Variants in RAB31 observed in about 807,000 individuals in gnomAD.
The protein encoded by RAB31 is RAB31, member RAS oncogene family.
Under a neutral mutation model 25.6 loss-of-function variants are expected in RAB31, and 21 were observed. The observed-to-expected ratio is 0.82, with a 90% CI of 0.58 to 1.18. RAB31 has a LOEUF of 1.18. Ranked by LOEUF, RAB31 falls within the 50% of genes most tolerant of loss-of-function variation. RAB31 has a pLI of 0.00. For missense variants in RAB31, 196 were observed against 250.1 expected (o/e 0.78, Z 1.46); for synonymous variants, 87 against 84.0 (o/e 1.04, Z -0.20).
At chr18:9,852,604 T>TC (rs1491466404) in intron 6 of RAB31, among the ~76,000 whole-genome samples, 1 of 152,116 alleles carries the variant, frequency 6.6e-6, no homozygotes, top group Non-Finnish European at 1.5e-5. Flanking sequence ...TTTTTTTTTT[T>TC]CCTGAATAGT....
chr18:9,774,890 C>G (rs773730009), intron 1 of RAB31: 1 of 520,164 alleles, frequency 1.9e-6, no homozygotes, highest in Non-Finnish European at 3.8e-6. Flanking sequence ...CTTTTGAATG[C>G]AAGGTTTTGA....
chr18:9,845,172 A>G (rs2068754722), intron 5 of RAB31, among the ~76,000 whole-genome samples: 1 of 152,228 alleles, frequency 6.6e-6, no homozygotes, highest in African/African-American at 2.4e-5. Context: ...GAAAGATAAT[A>G]TGTAAAAAGT....
chr18:9,717,531 A>AT (rs11287760), intron 1 of RAB31, among the ~76,000 whole-genome samples: 19 of 151,152 alleles, frequency 1.3e-4, no homozygotes, highest in South Asian at 2.1e-4. Context: ...CTATCAATGT[A>AT]TTTTTTTTTG....
At chr18:9,831,021 C>A (rs1308026305) in intron 5 of RAB31, among the ~76,000 whole-genome samples, 1 of 152,232 alleles carries the variant, frequency 6.6e-6, no homozygotes, top group African/African-American at 2.4e-5. Context: ...TGGGCCGTCT[C>A]TTCTGTTCCA....
chr18:9,722,063 T>A (rs1346200521), intron 1 of RAB31, among the ~76,000 whole-genome samples: 1 of 151,662 alleles, frequency 6.6e-6, no homozygotes, highest in Non-Finnish European at 1.5e-5. Flanking sequence ...GCAGTGTGAC[T>A]GGGGCAGGAA....
At chr18:9,730,409 C>A (rs1262259139) in intron 1 of RAB31, among the ~76,000 whole-genome samples, 1 of 151,988 alleles carries the variant, frequency 6.6e-6, no homozygotes, top group Non-Finnish European at 1.5e-5. Flanking sequence ...GTCTCAGCCT[C>A]CCAAATAGCT....
In RAB31 at chr18:9,739,561, TAAAC is replaced by T. The variant is rs561645259; in HGVS notation, c.39+31122_39+31125del. Among the ~76,000 whole-genome samples the T allele has an allele frequency of 4.9e-4, 70 of 144,094 alleles. 1 individual carries two copies. Among genetic ancestry groups the T allele is most frequent in the Non-Finnish European group, 9.0e-4 (59 of 65,400 alleles). 94.5% of individuals were successfully genotyped at this position (144,094 alleles called of 152,430 possible). A position where few individuals can be genotyped will look rare whatever the true frequency, so the allele number is the denominator to read the frequency against. The stretch of plus-strand genomic sequence containing the variant: ...TAATGTGCTAAAAAAAAAAAAAAAG[TAAAC>T]AAACTATCTGGATGATTCTTAGCCT... On this transcript the variant is annotated intron_variant, in intron 1 of 6. Coordinates refer to ENST00000578921, the MANE Select transcript of RAB31 (RefSeq NM_006868.4).
intron 6 of RAB31, among the ~76,000 whole-genome samples, chr18:9,854,713 G>A (rs2068807102): frequency 6.6e-6 from 1 of 152,178 alleles, no homozygotes; most frequent in Non-Finnish European, 1.5e-5. Flanking sequence ...ATAACTTCAA[G>A]TAGCATGTGT....
intron 6 of RAB31, among the ~76,000 whole-genome samples, chr18:9,852,053 C>T (rs563070522): frequency 1.3e-5 from 2 of 151,920 alleles, no homozygotes; most frequent in Admixed American, 6.6e-5. Flanking sequence ...GTGGTTGTTT[C>T]ATGATGGTCA....
At chr18:9,758,861 G>A (rs1440626440) in intron 1 of RAB31, among the ~76,000 whole-genome samples, 8 of 152,048 alleles carry the variant, frequency 5.3e-5, no homozygotes, top group African/African-American at 1.9e-4. Flanking sequence ...CACCGCTGCC[G>A]AGGCCTTTGC....
In RAB31 at chr18:9,811,418, A is replaced by G. The variant is rs1427172170; in HGVS notation, c.202-2602A>G. Among the ~76,000 whole-genome samples, 3 of 152,194 alleles carry G rather than the reference A, an allele frequency of 2.0e-5. No individual in the cohort carries two copies. In the East Asian group the frequency reaches 5.8e-4, roughly 29 times the overall value. On this transcript the variant is annotated intron_variant, in intron 3 of 6. Coordinates refer to ENST00000578921, the MANE Select transcript of RAB31 (RefSeq NM_006868.4). The stretch of plus-strand genomic sequence containing the variant: ...GGGACTCAGATTTCCAAATACCATC[A>G]TTTCAGTTTGGCAAGTATTGATCCA...
rs1056264514 is a variant in RAB31, at chr18:9,862,068, A to G, written c.*2743A>G. The G allele has an allele frequency of 2.6e-5, 4 of 152,686 alleles. No homozygotes were observed. Among genetic ancestry groups the G allele is most frequent in the African/African-American group, 9.6e-5 (4 of 41,466 alleles). The allele number at this position is 152,686 out of a possible 1,614,324, so 9.5% of individuals were successfully genotyped here. A position where few individuals can be genotyped will look rare whatever the true frequency, so the allele number is the denominator to read the frequency against. On this transcript the variant is annotated 3_prime_UTR_variant, in exon 7 of 7. Transcript: ENST00000578921. ...AGCTAACAATAAGGGCTGTGCCCCA[A>G]TGGAAACTGAGTTCATTTTCTGAGA...
At chr18:9,744,789 A>C (rs1457398399) in intron 1 of RAB31, among the ~76,000 whole-genome samples, 2 of 152,242 alleles carry the variant, frequency 1.3e-5, no homozygotes, top group Non-Finnish European at 2.9e-5. Context: ...AATGAAGACA[A>C]AAGCACAACA....
At position 9,708,792 on chromosome 18, in the gene RAB31, G is replaced by A. The variant is rs1439968983; in HGVS notation, c.39+348G>A. ...CTTTCCTCCCGGCCCGCGAGTCCCC[G>A]GATCCGCGGCGACCTCGCGGGGACC... is the stretch of plus-strand genomic sequence containing the variant. On this transcript the variant is annotated intron_variant, in intron 1 of 6. Coordinates refer to ENST00000578921, the MANE Select transcript of RAB31 (RefSeq NM_006868.4). The surrounding 1 kb of genome is among the most constrained non-coding windows in gnomAD (Gnocchi z 6.4). Among the ~76,000 whole-genome samples the A allele has an allele frequency of 6.6e-6, 1 of 152,150 alleles. No individual in the cohort carries two copies. Among genetic ancestry groups the A allele is most frequent in the Non-Finnish European group, 1.5e-5 (1 of 68,020 alleles).
intron 5 of RAB31, among the ~76,000 whole-genome samples, chr18:9,838,264 A>T (rs940624238): frequency 6.6e-6 from 1 of 152,140 alleles, no homozygotes; most frequent in Non-Finnish European, 1.5e-5. Flanking sequence ...TGAGCAGTGC[A>T]CTTGGGCTGC....
intron 1 of RAB31, among the ~76,000 whole-genome samples, chr18:9,744,219 T>C (rs1568167664): frequency 6.6e-6 from 1 of 152,128 alleles, no homozygotes; most frequent in Non-Finnish European, 1.5e-5. Context: ...AGGTATCTGA[T>C]TGTAGCCTTT....
At chr18:9,757,177 G>A (rs1260482022) in intron 1 of RAB31, among the ~76,000 whole-genome samples, 4 of 152,196 alleles carry the variant, frequency 2.6e-5, no homozygotes, top group Non-Finnish European at 2.9e-5. Flanking sequence ...GGCTGGGGAA[G>A]GGGATGCCTG....
chr18:9,757,006 C>T (rs1284455569), intron 1 of RAB31, among the ~76,000 whole-genome samples: 2 of 152,164 alleles, frequency 1.3e-5, no homozygotes, highest in African/African-American at 2.4e-5. Flanking sequence ...CCAGAGTTTA[C>T]GTCTTAGCCT....
At chr18:9,833,769 C>G (rs1568191591) in intron 5 of RAB31, among the ~76,000 whole-genome samples, 1 of 152,188 alleles carries the variant, frequency 6.6e-6, no homozygotes, top group Non-Finnish European at 1.5e-5. Flanking sequence ...TAAGCCATAT[C>G]TGATCTATGA....
Sources: allele counts gnomAD v4.1 joint callset (sites outside exome capture counted in the v4.1 genomes callset), GRCh38; gene constraint gnomAD v4.1.1; non-coding constraint Gnocchi (gnomAD v3.1); transcripts MANE v1.5; gene names NCBI Gene and HGNC (gene_info 2026-07-23, HGNC 2026-07-21).